Variants in ZMIZ1 observed in about 807,000 individuals in gnomAD.
The protein encoded by ZMIZ1 is zinc finger MIZ domain-containing protein 1.
A neutral mutation model predicts 113.9 loss-of-function variants in ZMIZ1; 17 were observed. The ratio of observed to expected loss-of-function variants is 0.15; its 90% confidence interval spans 0.10 to 0.22. The LOEUF (loss-of-function observed/expected upper bound fraction) is 0.22. Among genes scored for constraint, ZMIZ1 ranks in the 10% least tolerant of loss-of-function variants. The pLI, the probability that ZMIZ1 is intolerant of heterozygous loss-of-function variation, is 1.00. For missense variants in ZMIZ1, 1,059 were observed against 1,477.8 expected (o/e 0.72, Z 4.65); for synonymous variants, 607 against 603.1 (o/e 1.01, Z -0.09).
intron 8 of ZMIZ1, among the ~76,000 whole-genome samples, chr10:79,288,224 T>A (rs1320387301): frequency 6.6e-6 from 1 of 152,224 alleles, no homozygotes; most frequent in Non-Finnish European, 1.5e-5. Context: ...AAGACTTGGC[T>A]GCCCTGATCT....
At chr10:79,163,151 C>T (rs1370117623) in intron 4 of ZMIZ1, among the ~76,000 whole-genome samples, 3 of 152,364 alleles carry the variant, frequency 2.0e-5, no homozygotes, top group African/African-American at 4.8e-5. Context: ...TGGGGCAGCC[C>T]GGGAGGGGGG....
intron 2 of ZMIZ1, among the ~76,000 whole-genome samples, chr10:79,121,002 C>T (rs1844266523): frequency 6.6e-6 from 1 of 152,200 alleles, no homozygotes; most frequent in Non-Finnish European, 1.5e-5. Flanking sequence ...GGCACATTGC[C>T]TCCATGAGTG....
chr10:79,245,854 CAGT>C (rs35973718), intron 7 of ZMIZ1, among the ~76,000 whole-genome samples: 8,536 of 152,238 alleles, frequency 0.056, 473 homozygotes, highest in East Asian at 0.31. Flanking sequence ...TTCAAGCACT[CAGT>C]AGCCACCGAA....
At position 79,304,148 on chromosome 10, in the gene ZMIZ1, T is replaced by C; in HGVS notation, c.2259T>C (p.Ala753=). 1 of 1,614,010 alleles carries C rather than the reference T, an allele frequency of 6.2e-7. No homozygotes were observed. Among genetic ancestry groups the C allele is most frequent in the Non-Finnish European group, 8.5e-7 (1 of 1,179,932 alleles). ...PITFRRIQLP[A]RGHDCKHVQC... ...CATTCCGGCGCATCCAGCTGCCTGC[T>C]CGAGGACACGATTGCAAGCATGTGC... The change falls in exon 19 of 25, where the codon GCT becomes GCC. Residue 753 remains alanine, a synonymous_variant. Coordinates refer to ENST00000334512, the MANE Select transcript of ZMIZ1 (RefSeq NM_020338.4).
chr10:79,239,464 CCTCT>C (rs1356605958), intron 7 of ZMIZ1, among the ~76,000 whole-genome samples: 2 of 152,332 alleles, frequency 1.3e-5, no homozygotes, highest in Non-Finnish European at 1.5e-5. Flanking sequence ...CCTCACCCTC[CCTCT>C]GAGCGCCTAC....
chr10:79,226,021 C>T (rs1288147949), intron 7 of ZMIZ1, among the ~76,000 whole-genome samples: 1 of 152,220 alleles, frequency 6.6e-6, no homozygotes, highest in Non-Finnish European at 1.5e-5. Flanking sequence ...TCATGCTAAG[C>T]ACAGGGCCTA....
At chr10:79,245,653 A>G (rs1325218396) in intron 7 of ZMIZ1, among the ~76,000 whole-genome samples, 1 of 152,144 alleles carries the variant, frequency 6.6e-6, no homozygotes, top group African/African-American at 2.4e-5. Flanking sequence ...TAGAGGGAGA[A>G]AGGTGCTTCC....
intron 3 of ZMIZ1, among the ~76,000 whole-genome samples, chr10:79,144,456 C>A (rs950923362): frequency 1.8e-4 from 27 of 152,274 alleles, no homozygotes; most frequent in African/African-American, 6.0e-4. Flanking sequence ...TTGCCTAGGG[C>A]CACGCAGCAA....
At chr10:79,293,313 T>A in intron 11 of ZMIZ1, 68 bp from the exon 12 acceptor site, 35 of 1,333,856 alleles carry the variant, frequency 2.6e-5, no homozygotes, top group Non-Finnish European at 3.0e-5. Flanking sequence ...CTCCCTGCAC[T>A]TTCAATGCAT....
intron 7 of ZMIZ1, among the ~76,000 whole-genome samples, chr10:79,253,947 C>A (rs1850715112): frequency 6.6e-6 from 1 of 152,166 alleles, no homozygotes; most frequent in Non-Finnish European, 1.5e-5. Flanking sequence ...CATAGGCACC[C>A]CACCCTTGGG....
intron 7 of ZMIZ1, among the ~76,000 whole-genome samples, chr10:79,222,912 ACAC>A (rs1849040055): frequency 6.6e-6 from 1 of 152,128 alleles, no homozygotes; most frequent in Non-Finnish European, 1.5e-5. Context: ...TCTGCTCAGG[ACAC>A]CTTAAGCCAG....
intron 7 of ZMIZ1, among the ~76,000 whole-genome samples, chr10:79,224,370 G>A (rs937439909): frequency 2.0e-5 from 3 of 152,202 alleles, no homozygotes; most frequent in African/African-American, 4.8e-5. Flanking sequence ...GGGGCAGGGT[G>A]AGAAGGAGAG....
chr10:79,140,452 A>G (rs1845208812), intron 3 of ZMIZ1, among the ~76,000 whole-genome samples: 1 of 152,196 alleles, frequency 6.6e-6, no homozygotes, highest in South Asian at 2.1e-4. Context: ...CTATGCTTTT[A>G]CTTCGACCGT....
intron 1 of ZMIZ1, among the ~76,000 whole-genome samples, chr10:79,105,108 G>T (rs11002821): frequency 2.6e-5 from 4 of 152,120 alleles, no homozygotes; most frequent in South Asian, 4.1e-4. Flanking sequence ...AAAAAGACTA[G>T]CTTCCCGAGC....
chr10:79,220,146 AAG>A (rs1301013176), intron 7 of ZMIZ1, among the ~76,000 whole-genome samples: 3 of 152,098 alleles, frequency 2.0e-5, no homozygotes. Flanking sequence ...CTCGTCTGTG[AAG>A]AGAGCTGATT....
At chr10:79,220,370 G>C (rs889722148) in intron 7 of ZMIZ1, among the ~76,000 whole-genome samples, 1 of 152,152 alleles carries the variant, frequency 6.6e-6, no homozygotes, top group Admixed American at 6.5e-5. Context: ...GTTTCCCACT[G>C]TCCTCTCTCC....
chr10:79,305,596 C>A lies in ZMIZ1; in HGVS notation c.2418C>A (p.Ile806=), dbSNP rs753882669. 1 of 1,613,906 alleles carries A rather than the reference C, an allele frequency of 6.2e-7. No individual in the cohort carries two copies. Among genetic ancestry groups the A allele is most frequent in the Non-Finnish European group, 8.5e-7 (1 of 1,179,972 alleles). Residue 806 remains isoleucine, a synonymous_variant, in exon 21 of 25, where the codon ATC becomes ATA. Coordinates refer to ENST00000334512, the MANE Select transcript of ZMIZ1 (RefSeq NM_020338.4). ...DQYMWGILNA[I]QHSEFEEVTI... ...ACATGTGGGGAATCCTGAATGCCAT[C>A]CAACAGTAAGTGGGGCCCTAGCGAG...
chr10:79,215,535 G>A (rs986402475), intron 6 of ZMIZ1, among the ~76,000 whole-genome samples: 2 of 152,178 alleles, frequency 1.3e-5, no homozygotes, highest in African/African-American at 4.8e-5. Flanking sequence ...TTGACCTCAA[G>A]TGATCCACCT....
intron 7 of ZMIZ1, among the ~76,000 whole-genome samples, chr10:79,218,684 T>C (rs1443641735): frequency 6.6e-6 from 1 of 150,512 alleles, no homozygotes. Flanking sequence ...GGCAAGGGGG[T>C]GTTGTTGAGG....
Sources: gnomAD v4.1 joint callset for allele counts (sites outside exome capture counted in the v4.1 genomes callset) on GRCh38, gnomAD v4.1.1 for gene constraint, MANE v1.5 for transcripts, NCBI Gene and HGNC (gene_info 2026-07-23, HGNC 2026-07-21) for gene names.